Variants in RYR3 observed in about 807,000 individuals in gnomAD.
RYR3 encodes the protein ryanodine receptor 3, also known as brain ryanodine receptor-calcium release channel.
RYR3 carries 207 observed loss-of-function variants against 584.3 expected under a neutral mutation model. The ratio of observed to expected loss-of-function variants is 0.35; its 90% confidence interval spans 0.32 to 0.40. The LOEUF is 0.40. Among genes scored for constraint, RYR3 ranks in the 10% least tolerant of loss-of-function variants. RYR3 has a pLI of 1.00. For missense variants in RYR3, 5,616 were observed against 6,089.2 expected (o/e 0.92, Z 2.59); for synonymous variants, 2,416 against 2,248.5 (o/e 1.07, Z -2.11).
intron 48 of RYR3, among the ~76,000 whole-genome samples, chr15:33,732,523 A>T (rs923085298): frequency 1.2e-4 from 19 of 152,156 alleles, no homozygotes; most frequent in African/African-American, 4.6e-4. Flanking sequence ...CCAGCTGAGG[A>T]CAAAAGGTAA....
intron 65 of RYR3, among the ~76,000 whole-genome samples, chr15:33,785,037 A>G (rs1461185151): frequency 1.3e-5 from 2 of 152,168 alleles, no homozygotes; most frequent in Non-Finnish European, 2.9e-5. Context: ...GGATTAAGTG[A>G]TTGACAGGGA....
At chr15:33,527,147 C>G (rs577134464) in intron 3 of RYR3, among the ~76,000 whole-genome samples, 1 of 152,060 alleles carries the variant, frequency 6.6e-6, no homozygotes, top group African/African-American at 2.4e-5. Flanking sequence ...CAGTGATATG[C>G]AAACTACAGC....
chr15:33,826,101 T>C (rs1396317052), intron 82 of RYR3, 151 bp from the exon 83 acceptor site: 11 of 739,856 alleles, frequency 1.5e-5, no homozygotes, highest in Non-Finnish European at 2.3e-5. Flanking sequence ...AAGGACTTGC[T>C]CTGTTTCAGT....
At chr15:33,464,485 TATATACAC>T (rs1264186725) in intron 1 of RYR3, among the ~76,000 whole-genome samples, 6,529 of 90,030 alleles carry the variant, frequency 0.073, 703 homozygotes, top group African/African-American at 0.29. Context: ...TATATATATA[TATATACAC>T]ATATATATAT....
intron 32 of RYR3, among the ~76,000 whole-genome samples, chr15:33,653,682 AATACATT>A (rs2062637180): frequency 6.6e-6 from 1 of 152,132 alleles, no homozygotes; most frequent in East Asian, 1.9e-4. Context: ...AAAAAAAAAA[AATACATT>A]TATATAAACA....
intron 67 of RYR3, among the ~76,000 whole-genome samples, chr15:33,798,085 T>G (rs569598130): frequency 0.04 from 684 of 16,898 alleles, 4 homozygotes; most frequent in South Asian, 0.068. Flanking sequence ...CTGTCTGTCT[T>G]TTATTTATTT....
intron 38 of RYR3, among the ~76,000 whole-genome samples, chr15:33,686,176 G>A (rs1016526632): frequency 5.9e-5 from 9 of 151,360 alleles, no homozygotes; most frequent in African/African-American, 7.3e-5. Context: ...AAGATAGACC[G>A]CTAGCAAGAT....
chr15:33,554,150 G>A (rs73386512), intron 10 of RYR3, among the ~76,000 whole-genome samples: 2,260 of 152,134 alleles, frequency 0.015, 60 homozygotes, highest in African/African-American at 0.052. Context: ...GGATGACAAG[G>A]ACCACACATA....
chr15:33,664,589 G>GTGTGTGTGTGTATATATATATATA (rs577496539), intron 36 of RYR3, among the ~76,000 whole-genome samples: 16 of 91,378 alleles, frequency 1.8e-4, no homozygotes, highest in African/African-American at 6.2e-4. Flanking sequence ...GTGTGTGTGT[G>GTGTGTGTGTGTATATATATATATA]TATATATATA....
rs374824581 is a variant in RYR3, at chr15:33,785,691, A to C, written c.9298A>C (p.Met3100Leu). ...GGGGATGCCAGACACGGTAGAAGAC[A>C]TGTGTCCTGACATCCCCCAGCTGGA... is the stretch of plus-strand genomic sequence containing the variant. Reference protein sequence around the residue: ...ILGMPDTVEDMCPDIPQLEGL... With the variant: ...ILGMPDTVEDLCPDIPQLEGL... The change falls in exon 66 of 104, where the codon ATG (methionine) becomes CTG (leucine). Residue 3100 changes from methionine (M) to leucine (L), a missense_variant. By Grantham distance (15) the Met-to-Leu change is conservative. Coordinates refer to ENST00000634891, the MANE Select transcript of RYR3 (RefSeq NM_001036.6). 1 of 1,609,224 alleles carries C rather than the reference A, an allele frequency of 6.2e-7. No homozygotes were observed. Among genetic ancestry groups the C allele is most frequent in the East Asian group, 2.2e-5 (1 of 44,848 alleles).
intron 1 of RYR3, among the ~76,000 whole-genome samples, chr15:33,368,928 T>C (rs922962862): frequency 3.3e-5 from 5 of 151,878 alleles, no homozygotes; most frequent in Admixed American, 1.3e-4. Context: ...AATAGTAGGG[T>C]TTTTTAGTCA....
intron 1 of RYR3, among the ~76,000 whole-genome samples, chr15:33,472,846 T>G (rs1172939361): frequency 1.3e-5 from 2 of 152,106 alleles, no homozygotes; most frequent in African/African-American, 4.8e-5. Flanking sequence ...TCTTTAATCT[T>G]CCTTTTCTGT....
chr15:33,624,899 T>G (rs192969575), intron 20 of RYR3, among the ~76,000 whole-genome samples: 40 of 152,354 alleles, frequency 2.6e-4, no homozygotes, highest in African/African-American at 9.1e-4. Context: ...TTCTCTAGCA[T>G]GCATTTTTCC....
chr15:33,862,534 T>G (rs999148956), intron 102 of RYR3, among the ~76,000 whole-genome samples: 1 of 152,180 alleles, frequency 6.6e-6, no homozygotes, highest in Non-Finnish European at 1.5e-5. Context: ...TAGAGCAGGC[T>G]CAGCCTTTGG....
intron 45 of RYR3, among the ~76,000 whole-genome samples, chr15:33,725,418 C>T (rs1187492248): frequency 6.6e-6 from 1 of 152,164 alleles, no homozygotes; most frequent in Non-Finnish European, 1.5e-5. Context: ...CTATGACATT[C>T]AGTTCCCAGC....
In RYR3 at chr15:33,603,372, C is replaced by T. The variant is rs75782410; in HGVS notation, c.2164+8C>T. ...GACTTCACCTTTGGTCAGGTGAGTA[C>T]CTTGCTAAAGCTTTGGCTCATAATC... On this transcript the variant is annotated splice_region_variant and intron_variant, in intron 18 of 103. Transcript: ENST00000634891. 0.024 allele frequency: 36,597 copies of T among 1,549,158 alleles called. 519 individuals carry two copies. Among genetic ancestry groups the T allele is most frequent in the Non-Finnish European group, 0.028 (31,830 of 1,147,150 alleles).
At chr15:33,469,515 T>A (rs1226715625) in intron 1 of RYR3, among the ~76,000 whole-genome samples, 2 of 151,766 alleles carry the variant, frequency 1.3e-5, no homozygotes, top group Admixed American at 1.3e-4. Flanking sequence ...CCATTTGCTG[T>A]GATACAGGAA....
At position 33,785,148 on chromosome 15, in the gene RYR3, G is replaced by A. The variant is rs533466419; in HGVS notation, c.9269-514G>A. Among the ~76,000 whole-genome samples, 7 of 152,324 alleles carry A rather than the reference G, an allele frequency of 4.6e-5. No individual in the cohort carries two copies. In the East Asian group the frequency reaches 1.3e-3, roughly 29 times the overall value. On this transcript the variant is annotated intron_variant, in intron 65 of 103. Coordinates refer to ENST00000634891, the MANE Select transcript of RYR3 (RefSeq NM_001036.6). Reference sequence around the variant, plus strand: ...CCCCAGAATTCCAGCTGGATGGAAAGTTGTTGTTTCTGGTCCAGCTGAAGG... The same window carrying A: ...CCCCAGAATTCCAGCTGGATGGAAAATTGTTGTTTCTGGTCCAGCTGAAGG...
intron 19 of RYR3, 78 bp from the exon 20 acceptor site, chr15:33,623,729 T>A: frequency 9.5e-7 from 1 of 1,052,600 alleles, no homozygotes; most frequent in South Asian, 1.4e-5. Flanking sequence ...GAGGTAGGGA[T>A]TGATCTTTAA....
Sources: allele counts gnomAD v4.1 joint callset (sites outside exome capture counted in the v4.1 genomes callset), GRCh38; gene constraint gnomAD v4.1.1; transcripts MANE v1.5; gene names NCBI Gene and HGNC (gene_info 2026-07-23, HGNC 2026-07-21).